The following GRM7 variants were observed in gnomAD, a reference collection of about 807,000 sequenced individuals.
GRM7 encodes the protein metabotropic glutamate receptor 7.
GRM7 carries 35 observed loss-of-function variants against 84.5 expected under a neutral mutation model. The observed-to-expected ratio is 0.41, with a 90% CI of 0.32 to 0.55. The LOEUF is 0.55. GRM7 is among the 20% of genes least tolerant of loss of function. The pLI is 0.19. For missense variants in GRM7, 1,003 were observed against 1,194.6 expected, an observed-to-expected ratio of 0.84 and a Z score of 2.36; for synonymous variants, 487 against 455.1, an observed-to-expected ratio of 1.07 and a Z score of -0.89.
At chr3:7,531,026 C>A (rs537068926) in intron 7 of GRM7, among the ~76,000 whole-genome samples, 113 of 152,266 alleles carry the variant, frequency 7.4e-4, no homozygotes, top group African/African-American at 2.6e-3. Flanking sequence ...TTGCCCATGC[C>A]TGTGTCCTAA....
intron 1 of GRM7, among the ~76,000 whole-genome samples, chr3:7,068,462 T>C (rs960947235): frequency 3.9e-5 from 6 of 152,050 alleles, no homozygotes; most frequent in Admixed American, 2.6e-4. Flanking sequence ...AAACTGTTTT[T>C]CTACTGTCTG....
intron 5 of GRM7, among the ~76,000 whole-genome samples, chr3:7,423,688 A>C (rs1416579302): frequency 7.7e-6 from 1 of 130,708 alleles, no homozygotes; most frequent in African/African-American, 2.9e-5. Context: ...AAAGCATTTT[A>C]GGTTTTTATG....
In GRM7 at chr3:7,526,029, G is replaced by C. The variant is rs369511463; in HGVS notation, c.1516-52393G>C. Among the ~76,000 whole-genome samples the C allele has an allele frequency of 1.3e-4, 20 of 152,166 alleles. 2 individuals are homozygous for C. Among genetic ancestry groups the C allele is most frequent in the Admixed American group, 5.2e-4 (8 of 15,260 alleles). On this transcript the variant is annotated intron_variant, in intron 7 of 9. Coordinates refer to ENST00000357716, the MANE Select transcript of GRM7 (RefSeq NM_000844.4). ...AACATATGAGTACATGTGTCTTTTT[G>C]ATAGCATGATTTATTTTTCTTTGGG...
intron 8 of GRM7, among the ~76,000 whole-genome samples, chr3:7,606,725 G>C (rs113174979): frequency 0.16 from 24,866 of 151,922 alleles, 2,404 homozygotes; most frequent in Middle Eastern, 0.28. Context: ...GTAGAGACAG[G>C]GTTTTGCCAT....
At chr3:7,020,171 G>A (rs560266276) in intron 1 of GRM7, among the ~76,000 whole-genome samples, 1 of 152,196 alleles carries the variant, frequency 6.6e-6, no homozygotes, top group South Asian at 2.1e-4. Flanking sequence ...TCTAAAAAAT[G>A]TGCAAATCTC....
chr3:7,452,122 C>T (rs911444542), intron 5 of GRM7, among the ~76,000 whole-genome samples: 5 of 152,102 alleles, frequency 3.3e-5, no homozygotes, highest in Non-Finnish European at 7.4e-5. Flanking sequence ...AGAAAGAAAA[C>T]GGACATCAGT....
At chr3:7,721,195 T>G (rs1701934580) in intron 9 of GRM7, among the ~76,000 whole-genome samples, 1 of 152,138 alleles carries the variant, frequency 6.6e-6, no homozygotes, top group Non-Finnish European at 1.5e-5. Context: ...CAAGAGAAAA[T>G]TTTGTTGGTA....
At chr3:7,278,277 T>C (rs1314377559) in intron 2 of GRM7, among the ~76,000 whole-genome samples, 1 of 151,986 alleles carries the variant, frequency 6.6e-6, no homozygotes, top group Non-Finnish European at 1.5e-5. Context: ...TATTTTGTCC[T>C]TGAGTTTAAT....
In GRM7 at chr3:7,146,448, G is replaced by A; in HGVS notation, c.520-4G>A. On this transcript the variant is annotated splice_polypyrimidine_tract_variant and splice_region_variant and intron_variant, in intron 1 of 9. Coordinates refer to ENST00000357716, the MANE Select transcript of GRM7 (RefSeq NM_000844.4). ...TCTCACGTGGTGCTTTCTTGTCTTT[G>A]CAGATCCCCCAGATTAGTTATGCAT... 6.2e-7 allele frequency: 1 copy of A among 1,609,090 alleles called. No individual in the cohort carries two copies. The highest frequency in any genetic ancestry group is 1.3e-5 in the African/African-American group (1 of 74,914).
chr3:7,078,788 G>T (rs1249960776), intron 1 of GRM7, among the ~76,000 whole-genome samples: 1 of 151,846 alleles, frequency 6.6e-6, no homozygotes, highest in African/African-American at 2.4e-5. Flanking sequence ...GTGAAGTCAA[G>T]TGGGGAGGAA....
intron 7 of GRM7, among the ~76,000 whole-genome samples, chr3:7,474,637 T>G (rs931854862): frequency 5.9e-5 from 9 of 152,016 alleles, no homozygotes; most frequent in Middle Eastern, 6.8e-3. Flanking sequence ...GTATCAGAGT[T>G]TTTTTTAAGC....
rs892780993 is a variant in GRM7, at chr3:6,888,970, G to T, written c.519+27063G>T. Among the ~76,000 whole-genome samples, 499 of 152,126 alleles carry T rather than the reference G, an allele frequency of 3.3e-3. 8 individuals carry two copies. Among genetic ancestry groups the T allele is most frequent in the African/African-American group, 0.011 (477 of 41,520 alleles). ...ACATCCCTTGTAAGTTGGATTCCTA[G>T]GTATTTTATTCTCTTTGAAGCAATT... is the stretch of plus-strand genomic sequence containing the variant. On this transcript the variant is annotated intron_variant, in intron 1 of 9. Transcript: ENST00000357716.
At chr3:7,667,269 T>TAA (rs111517177) in intron 8 of GRM7, among the ~76,000 whole-genome samples, 1,745 of 140,736 alleles carry the variant, frequency 0.012, 32 homozygotes, top group East Asian at 0.089. Flanking sequence ...CCCTGTCTGT[T>TAA]AAAAAAAAAA....
At chr3:6,930,208 T>A (rs1428165173) in intron 1 of GRM7, among the ~76,000 whole-genome samples, 1 of 152,172 alleles carries the variant, frequency 6.6e-6, no homozygotes, top group Non-Finnish European at 1.5e-5. Context: ...TGGGTTAATG[T>A]AGTATTAGAG....
intron 5 of GRM7, among the ~76,000 whole-genome samples, chr3:7,435,547 T>C (rs1464343095): frequency 6.6e-6 from 1 of 152,042 alleles, no homozygotes; most frequent in Non-Finnish European, 1.5e-5. Flanking sequence ...AGTTTCACTC[T>C]TGTCACCCAG....
intron 1 of GRM7, among the ~76,000 whole-genome samples, chr3:6,935,677 AATTATT>A (rs57669228): frequency 0.014 from 1,981 of 142,430 alleles, 22 homozygotes; most frequent in Non-Finnish European, 0.021. Flanking sequence ...CTTATTTTTA[AATTATT>A]ATTATTATTA....
chr3:6,870,071 C>G (rs766923537), intron 1 of GRM7, among the ~76,000 whole-genome samples: 11 of 151,818 alleles, frequency 7.2e-5, no homozygotes, highest in Middle Eastern at 3.2e-3. Flanking sequence ...CCACTCTCTC[C>G]TCCCTCCTCT....
At chr3:7,728,978 ATAAG>A (rs761589672) in intron 9 of GRM7, among the ~76,000 whole-genome samples, 5 of 151,608 alleles carry the variant, frequency 3.3e-5, no homozygotes, top group African/African-American at 7.3e-5. Context: ...ACCTATGGAG[ATAAG>A]TAAGAAACAA....
chr3:7,388,582 TG>T (rs909021044), intron 4 of GRM7, among the ~76,000 whole-genome samples: 15 of 152,126 alleles, frequency 9.9e-5, no homozygotes, highest in Admixed American at 2.6e-4. Flanking sequence ...AGGCTTTTTT[TG>T]GTTCATAGAT....
Sources: gnomAD v4.1 joint callset for allele counts (sites outside exome capture counted in the v4.1 genomes callset) on GRCh38, gnomAD v4.1.1 for gene constraint, MANE v1.5 for transcripts, NCBI Gene and HGNC (gene_info 2026-07-23, HGNC 2026-07-21) for gene names.